Variants in CACNG4 observed in about 807,000 individuals in gnomAD.
CACNG4 encodes calcium voltage-gated channel auxiliary subunit gamma 4, also known as voltage-dependent calcium channel gamma-4 subunit.
CACNG4 carries 8 observed loss-of-function variants against 22.9 expected under a neutral mutation model. That is an observed-to-expected ratio of 0.35 (90% confidence interval 0.21 to 0.63). The LOEUF (loss-of-function observed/expected upper bound fraction) is 0.63. CACNG4 is among the 30% of genes least tolerant of loss of function. CACNG4 has a pLI of 0.72. For missense variants in CACNG4, 357 were observed against 455.4 expected, an observed-to-expected ratio of 0.78 and a Z score of 1.97; for synonymous variants, 188 against 191.9, an observed-to-expected ratio of 0.98 and a Z score of 0.17.
At chr17:66,972,275 G>C (rs1427386067) in intron 1 of CACNG4, among the ~76,000 whole-genome samples, 1 of 152,174 alleles carries the variant, frequency 6.6e-6, no homozygotes, top group Non-Finnish European at 1.5e-5. Flanking sequence ...TAACTCAGGA[G>C]CACCAGGGGT....
intron 1 of CACNG4, among the ~76,000 whole-genome samples, chr17:66,982,206 A>G (rs1045108303): frequency 6.6e-6 from 1 of 152,228 alleles, no homozygotes; most frequent in East Asian, 1.9e-4. Context: ...GCTGCTGGCT[A>G]GGGTGGCCAG....
intron 1 of CACNG4, among the ~76,000 whole-genome samples, chr17:66,971,038 C>T (rs532661491): frequency 9.8e-5 from 15 of 152,308 alleles, no homozygotes; most frequent in Middle Eastern, 3.4e-3. Flanking sequence ...GAAGCCACAG[C>T]TAAACTGGAA....
chr17:66,971,464 T>C (rs1270234513), intron 1 of CACNG4, among the ~76,000 whole-genome samples: 1 of 152,200 alleles, frequency 6.6e-6, no homozygotes, highest in Non-Finnish European at 1.5e-5. Flanking sequence ...GTATTAGACA[T>C]GCAGGGCTCA....
rs1381932727 is a variant in CACNG4, at chr17:66,984,274, A to G, written c.220+19143A>G. ...TGCACACCTTTAGCCCTAGCTACAC[A>G]GGAGGCTGAGGTGGGAGGATTGCCT... On this transcript the variant is annotated intron_variant, in intron 1 of 3. Coordinates refer to ENST00000262138, the MANE Select transcript of CACNG4 (RefSeq NM_014405.4). This position sits in a 1 kb window ranked among gnomAD's most constrained non-coding sequence, Gnocchi z 4.0. Among the ~76,000 whole-genome samples the G allele has an allele frequency of 6.6e-6, 1 of 152,144 alleles. No individual in the cohort carries two copies. Among genetic ancestry groups the G allele is most frequent in the East Asian group, 1.9e-4 (1 of 5,182 alleles).
At chr17:66,978,745 C>G (rs1231450844) in intron 1 of CACNG4, among the ~76,000 whole-genome samples, 1 of 152,220 alleles carries the variant, frequency 6.6e-6, no homozygotes, top group Admixed American at 6.5e-5. Flanking sequence ...GAGCCTTCGC[C>G]CGAGACATTT....
chr17:66,966,565 T>C (rs918502806), intron 1 of CACNG4, among the ~76,000 whole-genome samples: 7 of 152,120 alleles, frequency 4.6e-5, no homozygotes, highest in African/African-American at 1.7e-4. Flanking sequence ...AAAAGAGGCT[T>C]TGTGAAGCTG....
At chr17:66,967,353 A>G (rs953187660) in intron 1 of CACNG4, among the ~76,000 whole-genome samples, 1 of 152,194 alleles carries the variant, frequency 6.6e-6, no homozygotes, top group Non-Finnish European at 1.5e-5. Context: ...TGTGGGACCC[A>G]GGGCTGGGAG....
chr17:66,995,223 G>A (rs1233686015), intron 1 of CACNG4, among the ~76,000 whole-genome samples: 4 of 152,216 alleles, frequency 2.6e-5, no homozygotes, highest in Non-Finnish European at 4.4e-5. Context: ...GGAAATGGGT[G>A]TCTCTGGCTT....
rs776748192 is a variant in CACNG4, at chr17:67,031,789, G to C, written c.*785G>C. The C allele has an allele frequency of 4.4e-6, 2 of 456,646 alleles. No homozygotes were observed. Among genetic ancestry groups the C allele is most frequent in the Non-Finnish European group, 8.8e-6 (2 of 226,966 alleles). The allele number at this position is 456,646 out of a possible 1,614,324, so 28.3% of individuals were successfully genotyped here. Reference sequence around the variant, plus strand: ...ACTTCAGAGTCTGGAGGGTTCCATCGGTCAGGGGAATGGCGGCCACGTGAC... The same window carrying C: ...ACTTCAGAGTCTGGAGGGTTCCATCCGTCAGGGGAATGGCGGCCACGTGAC... On this transcript the variant is annotated 3_prime_UTR_variant, in exon 4 of 4. Coordinates refer to ENST00000262138, the MANE Select transcript of CACNG4 (RefSeq NM_014405.4). The surrounding 1 kb of genome is among the most constrained non-coding windows in gnomAD (Gnocchi z 4.0).
chr17:66,964,813 C>T lies in CACNG4; in HGVS notation c.-99C>T, dbSNP rs1478425511. 4 of 500,460 alleles carry T rather than the reference C, an allele frequency of 8.0e-6. No individual in the cohort carries two copies. The highest frequency in any genetic ancestry group is 1.5e-4 in the East Asian group (1 of 6,692). The allele number at this position is 500,460 out of a possible 1,614,324, so 31.0% of individuals were successfully genotyped here. On this transcript the variant is annotated 5_prime_UTR_variant, in exon 1 of 4. Coordinates refer to ENST00000262138, the MANE Select transcript of CACNG4 (RefSeq NM_014405.4). ...CGCGGCGCCGCCCCCCGGCCCTCGG[C>T]CCCCCAACCCCGGCGCCCCCGGAGC...
In CACNG4 at chr17:67,027,834, C is replaced by G. The variant is rs1035829179; in HGVS notation, c.446-2632C>G. ...AGGAGTTCGAGACCAGCCTGGCCAA[C>G]ATGGTGAAACCCTGTCTCTACCAAA... On this transcript the variant is annotated intron_variant, in intron 3 of 3. Coordinates refer to ENST00000262138, the MANE Select transcript of CACNG4 (RefSeq NM_014405.4). This position sits in a 1 kb window ranked among gnomAD's most constrained non-coding sequence, Gnocchi z 4.3. Among the ~76,000 whole-genome samples, 1 of 151,910 alleles carries G rather than the reference C, an allele frequency of 6.6e-6. No individual in the cohort carries two copies. The highest frequency in any genetic ancestry group is 2.4e-5 in the African/African-American group (1 of 41,350).
chr17:67,007,136 C>T (rs1462569933), intron 1 of CACNG4, among the ~76,000 whole-genome samples: 1 of 152,054 alleles, frequency 6.6e-6, no homozygotes, highest in East Asian at 1.9e-4. Flanking sequence ...GATTGCACCA[C>T]TGCACTCTAG....
At chr17:67,017,704 G>T (rs1329995669) in intron 1 of CACNG4, among the ~76,000 whole-genome samples, 2 of 151,964 alleles carry the variant, frequency 1.3e-5, no homozygotes, top group African/African-American at 4.8e-5. Context: ...TTTTAGTAGG[G>T]ACGGGGTTTC....
chr17:66,984,624 G>A lies in CACNG4; in HGVS notation c.220+19493G>A, dbSNP rs1292153166. ...TGGGAACAGGGTTTGACCTTCTGGA[G>A]GAGAAAGATACTCCTGTATCTGCAG... On this transcript the variant is annotated intron_variant, in intron 1 of 3. Transcript: ENST00000262138. This position sits in a 1 kb window ranked among gnomAD's most constrained non-coding sequence, Gnocchi z 4.0. Among the ~76,000 whole-genome samples, 4 of 152,174 alleles carry A rather than the reference G, an allele frequency of 2.6e-5. No individual in the cohort carries two copies. Among genetic ancestry groups the A allele is most frequent in the Admixed American group, 2.0e-4 (3 of 15,290 alleles).
At chr17:66,970,210 G>A (rs1003395716) in intron 1 of CACNG4, among the ~76,000 whole-genome samples, 5 of 152,194 alleles carry the variant, frequency 3.3e-5, no homozygotes, top group Non-Finnish European at 5.9e-5. Flanking sequence ...CCCGGATCAC[G>A]GCCAAGGTGG....
chr17:66,993,891 T>C (rs922930320), intron 1 of CACNG4, among the ~76,000 whole-genome samples: 1 of 152,148 alleles, frequency 6.6e-6, no homozygotes, highest in Admixed American at 6.5e-5. Flanking sequence ...AGTGCTGGGA[T>C]TACAGGCGTG....
intron 1 of CACNG4, among the ~76,000 whole-genome samples, chr17:66,996,379 CTTTT>C (rs10585610): frequency 0.19 from 24,494 of 129,024 alleles, 4,269 homozygotes; most frequent in African/African-American, 0.47. Flanking sequence ...CAGTCCGATT[CTTTT>C]TTTTTTTTTT....
intron 1 of CACNG4, among the ~76,000 whole-genome samples, chr17:66,989,842 G>T (rs2035328247): frequency 6.7e-6 from 1 of 148,658 alleles, no homozygotes. Flanking sequence ...ATTGACAGTG[G>T]AGGAAACTGA....
chr17:67,019,438 G>T (rs887731697), intron 2 of CACNG4, among the ~76,000 whole-genome samples: 1 of 152,128 alleles, frequency 6.6e-6, no homozygotes, highest in African/African-American at 2.4e-5. Flanking sequence ...CCACAGGGCC[G>T]CCAGAGATGG....
Sources: gnomAD v4.1 joint callset for allele counts (sites outside exome capture counted in the v4.1 genomes callset) on GRCh38, gnomAD v4.1.1 for gene constraint, Gnocchi (gnomAD v3.1) non-coding constraint, MANE v1.5 for transcripts, NCBI Gene and HGNC (gene_info 2026-07-23, HGNC 2026-07-21) for gene names.